Variants in HTR3B observed in about 807,000 individuals in gnomAD.
HTR3B encodes the protein 5-hydroxytryptamine (serotonin) receptor 3B, ionotropic.
In HTR3B, 44 loss-of-function variants were observed where a neutral mutation model predicts 42.8. That is an observed-to-expected ratio of 1.03 (90% CI 0.81 to 1.32). The LOEUF (loss-of-function observed/expected upper bound fraction) is 1.32. Ranked by LOEUF, HTR3B falls within the 40% of genes most tolerant of loss-of-function variation. The probability of loss-of-function intolerance (pLI) is 0.00; values close to 1 mark genes in which losing one functional copy is unlikely to be tolerated. For synonymous variants in HTR3B, 203 were observed against 209.0 expected, an observed-to-expected ratio of 0.97 and a Z score of 0.25; for missense variants, 527 against 536.5, an observed-to-expected ratio of 0.98 and a Z score of 0.17.
intron 6 of HTR3B, among the ~76,000 whole-genome samples, chr11:113,934,245 G>T (rs1950066681): frequency 6.6e-6 from 1 of 151,916 alleles, no homozygotes; most frequent in Non-Finnish European, 1.5e-5. Context: ...AAACTTGCTG[G>T]GTGTAGTGGT....
intron 6 of HTR3B, among the ~76,000 whole-genome samples, chr11:113,940,304 A>G (rs1274008393): frequency 6.6e-6 from 1 of 152,022 alleles, no homozygotes; most frequent in East Asian, 1.9e-4. Flanking sequence ...GAGTGTTCCC[A>G]TTTCTACCCT....
chr11:113,928,116 G>A (rs1949995001), intron 2 of HTR3B, among the ~76,000 whole-genome samples: 1 of 152,104 alleles, frequency 6.6e-6, no homozygotes, highest in African/African-American at 2.4e-5. Flanking sequence ...TCCCACTTAT[G>A]AGTGAGAACA....
intron 1 of HTR3B, 66 bp downstream of exon 1, chr11:113,905,051 G>T: frequency 1.8e-6 from 2 of 1,118,646 alleles, no homozygotes; most frequent in African/African-American, 1.5e-5. Flanking sequence ...GACAATATTT[G>T]TATACACCGT....
chr11:113,940,763 C>T (rs1017730907), intron 6 of HTR3B, among the ~76,000 whole-genome samples: 2 of 152,220 alleles, frequency 1.3e-5, no homozygotes, highest in African/African-American at 4.8e-5. Flanking sequence ...TCATCTCCCC[C>T]AGCCAAGCTC....
intron 6 of HTR3B, among the ~76,000 whole-genome samples, chr11:113,941,622 C>T (rs569809255): frequency 3.3e-5 from 5 of 152,098 alleles, no homozygotes; most frequent in South Asian, 2.1e-4. Flanking sequence ...CTGTGGCTTG[C>T]AAAGATGGGA....
At chr11:113,912,924 T>C (rs1949810985) in intron 2 of HTR3B, among the ~76,000 whole-genome samples, 2 of 150,940 alleles carry the variant, frequency 1.3e-5, no homozygotes, top group African/African-American at 4.8e-5. Context: ...TATAGATTTA[T>C]AGGAGCTATT....
intron 8 of HTR3B, among the ~76,000 whole-genome samples, chr11:113,945,181 C>A (rs1011874430): frequency 3.9e-5 from 6 of 152,188 alleles, no homozygotes; most frequent in Admixed American, 3.9e-4. Flanking sequence ...GTCGCCCAGG[C>A]TTGACTGCAG....
At chr11:113,939,522 C>T (rs1950117200) in intron 6 of HTR3B, among the ~76,000 whole-genome samples, 1 of 152,156 alleles carries the variant, frequency 6.6e-6, no homozygotes, top group Non-Finnish European at 1.5e-5. Context: ...CTTGCCACAG[C>T]TCTCCCTCAG....
At chr11:113,913,396 A>G (rs1292338998) in intron 2 of HTR3B, among the ~76,000 whole-genome samples, 5 of 101,318 alleles carry the variant, frequency 4.9e-5, no homozygotes, top group Non-Finnish European at 7.3e-5. Flanking sequence ...TTTTTAGTAG[A>G]GATGGAGTTT....
At chr11:113,933,200 C>T (rs971710023) in intron 6 of HTR3B, 107 bp downstream of exon 6, 101 of 1,122,184 alleles carry the variant, frequency 9.0e-5, no homozygotes, top group Non-Finnish European at 1.2e-4. Context: ...TTCATTATCA[C>T]CCAAGAACAG....
chr11:113,909,241 A>G (rs1247484786), intron 1 of HTR3B, 54 bp from the exon 2 acceptor site: 3 of 1,466,896 alleles, frequency 2.0e-6, no homozygotes, highest in African/African-American at 1.4e-5. Flanking sequence ...GAAACCTCCT[A>G]AAGAAACCAA....
intron 2 of HTR3B, among the ~76,000 whole-genome samples, chr11:113,912,496 G>A (rs1591571403): frequency 6.6e-6 from 1 of 152,178 alleles, no homozygotes; most frequent in Non-Finnish European, 1.5e-5. Context: ...ACCCGCCTCG[G>A]CCTCCCAAAG....
intron 6 of HTR3B, among the ~76,000 whole-genome samples, 155 bp downstream of exon 6, chr11:113,933,248 G>A (rs1825566164): frequency 6.6e-6 from 1 of 152,128 alleles, no homozygotes; most frequent in Non-Finnish European, 1.5e-5. Context: ...CTGCATTCCA[G>A]CATTTCACAG....
intron 2 of HTR3B, among the ~76,000 whole-genome samples, chr11:113,912,288 G>C (rs1357546856): frequency 6.6e-6 from 1 of 151,856 alleles, no homozygotes; most frequent in Admixed American, 6.6e-5. Context: ...CTGTTACCCA[G>C]GCCGGAGTGC....
At chr11:113,900,046 C>T (rs1215883403), upstream of HTR3B, among the ~76,000 whole-genome samples, 2 of 152,144 alleles carry the variant, frequency 1.3e-5, no homozygotes, top group Non-Finnish European at 2.9e-5. Flanking sequence ...GCAGGTGGAT[C>T]ACCTGAGGTC....
Position 113,904,813 on chromosome 11 carries a change from C to A in HTR3B, c.-121C>A. On this transcript the variant is annotated 5_prime_UTR_variant, in exon 1 of 9. Coordinates refer to ENST00000260191, the MANE Select transcript of HTR3B (RefSeq NM_006028.5). The stretch of plus-strand genomic sequence containing the variant: ...TACAAAATAGCACCAGTAAGGATAG[C>A]ATCAACTGGCAAACGGAGAAGGAGG... The A allele has an allele frequency of 2.6e-6, 2 of 762,470 alleles. No individual in the cohort carries two copies. Among genetic ancestry groups the A allele is most frequent in the South Asian group, 1.5e-5 (1 of 66,338 alleles). 47.2% of individuals were successfully genotyped at this position (762,470 alleles called of 1,614,324 possible).
At chr11:113,938,705 C>G (rs961204334) in intron 6 of HTR3B, among the ~76,000 whole-genome samples, 4 of 152,180 alleles carry the variant, frequency 2.6e-5, no homozygotes, top group Non-Finnish European at 5.9e-5. Flanking sequence ...TTTATTTAGG[C>G]TGCACTGGGT....
intron 1 of HTR3B, among the ~76,000 whole-genome samples, chr11:113,908,641 A>C (rs1949752714): frequency 6.6e-6 from 1 of 152,170 alleles, no homozygotes. Flanking sequence ...TCTACAAATC[A>C]AGATTTTTGG....
chr11:113,918,043 A>C (rs1949874384), intron 2 of HTR3B, among the ~76,000 whole-genome samples: 2 of 151,938 alleles, frequency 1.3e-5, no homozygotes, highest in African/African-American at 4.8e-5. Flanking sequence ...TTTCCAACCT[A>C]TTTGTATCAT....
Sources: gnomAD v4.1 joint callset for allele counts (sites outside exome capture counted in the v4.1 genomes callset) on GRCh38, gnomAD v4.1.1 for gene constraint, MANE v1.5 for transcripts, NCBI Gene and HGNC (gene_info 2026-07-23, HGNC 2026-07-21) for gene names.